Variants in KAT2B observed in about 807,000 individuals in gnomAD.
The protein encoded by KAT2B is lysine acetyltransferase 2B.
Under a neutral mutation model 105.9 loss-of-function variants are expected in KAT2B, and 36 were observed. That is an observed-to-expected ratio of 0.34 (90% CI 0.26 to 0.45). The LOEUF (loss-of-function observed/expected upper bound fraction) is 0.45, where lower values mean the gene tolerates loss of function less well. KAT2B is among the 20% of genes least tolerant of loss of function. KAT2B has a pLI of 1.00. For missense variants in KAT2B, 820 were observed against 1,021.6 expected (o/e 0.80, Z 2.69); for synonymous variants, 397 against 377.9 (o/e 1.05, Z -0.59).
chr3:20,057,496 T>C (rs927466485), intron 1 of KAT2B, among the ~76,000 whole-genome samples: 7 of 152,190 alleles, frequency 4.6e-5, no homozygotes, highest in African/African-American at 1.4e-4. Flanking sequence ...AAAATTCTAT[T>C]AGTCAGCTGG....
intron 5 of KAT2B, among the ~76,000 whole-genome samples, chr3:20,104,309 C>A (rs1698960853): frequency 6.6e-6 from 1 of 151,992 alleles, no homozygotes; most frequent in Non-Finnish European, 1.5e-5. Flanking sequence ...AAATGTAGAC[C>A]AATAGCCCCT....
intron 7 of KAT2B, among the ~76,000 whole-genome samples, chr3:20,118,814 A>G (rs1699256703): frequency 6.7e-6 from 1 of 148,194 alleles, no homozygotes; most frequent in Non-Finnish European, 1.5e-5. Context: ...AATATATATT[A>G]TATATATTTT....
chr3:20,050,345 G>A (rs997858033), intron 1 of KAT2B, among the ~76,000 whole-genome samples: 21 of 151,522 alleles, frequency 1.4e-4, no homozygotes, highest in East Asian at 1.9e-4. Flanking sequence ...TGTTTATAGC[G>A]CAATTAATTT....
chr3:20,122,651 T>C lies in KAT2B; in HGVS notation c.1277-17T>C. ...TTAGAACCACCCATTGTTTGCCTTT[T>C]ATTTTGATCATCATAGGAGAAAAGA... On this transcript the variant is annotated splice_polypyrimidine_tract_variant and intron_variant, in intron 8 of 17. Transcript: ENST00000263754. 6.2e-7 allele frequency: 1 copy of C among 1,607,710 alleles called. No homozygotes were observed.
chr3:20,122,988 T>C (rs1043226173), intron 9 of KAT2B, 184 bp downstream of exon 9: 20 of 974,750 alleles, frequency 2.1e-5, no homozygotes, highest in African/African-American at 3.5e-5. Context: ...TTCCCCTTGA[T>C]GAATATCACA....
chr3:20,136,492 G>T (rs549157125), intron 11 of KAT2B, among the ~76,000 whole-genome samples: 1 of 151,810 alleles, frequency 6.6e-6, no homozygotes, highest in African/African-American at 2.4e-5. Context: ...GTAAACACTT[G>T]GATTACTAAA....
chr3:20,052,400 C>G lies in KAT2B; in HGVS notation c.303+11620C>G, dbSNP rs139147285. Among the ~76,000 whole-genome samples the G allele has an allele frequency of 1.5e-4, 23 of 152,292 alleles. No individual in the cohort carries two copies. In the East Asian group the frequency reaches 4.0e-3, roughly 27 times the overall value. On this transcript the variant is annotated intron_variant, in intron 1 of 17. Transcript: ENST00000263754. Reference sequence around the variant, plus strand: ...CCATAGGAGAAACAGACAAGTTGTACTGGGGATTAAATTCCATTAAATTTT... The same window carrying G: ...CCATAGGAGAAACAGACAAGTTGTAGTGGGGATTAAATTCCATTAAATTTT...
chr3:20,148,513 A>G (rs544247799), intron 17 of KAT2B, 26 bp downstream of exon 17: 2 of 1,499,796 alleles, frequency 1.3e-6, no homozygotes, highest in African/African-American at 1.4e-5. Context: ...TTTTCTAAGT[A>G]TAGATTTAAA....
chr3:20,135,900 C>T (rs988271393), intron 11 of KAT2B, among the ~76,000 whole-genome samples: 1 of 152,146 alleles, frequency 6.6e-6, no homozygotes, highest in South Asian at 2.1e-4. Flanking sequence ...CTTGGGTGAA[C>T]GTTAGGAAGG....
In KAT2B at chr3:20,077,922, C is replaced by T. The variant is rs551947830; in HGVS notation, c.430+5463C>T. ...TTGCATGGTGGCTCACACCTGTAAT[C>T]CTAGCATTTTGGGAGGCTGAGGCAG... is the stretch of plus-strand genomic sequence containing the variant. On this transcript the variant is annotated intron_variant, in intron 2 of 17. Coordinates refer to ENST00000263754, the MANE Select transcript of KAT2B (RefSeq NM_003884.5). Among the ~76,000 whole-genome samples the T allele has an allele frequency of 1.5e-4, 23 of 152,266 alleles. 1 individual carries two copies. In the South Asian group the frequency reaches 4.8e-3, roughly 32 times the overall value.
chr3:20,123,169 T>C (rs1699340927), intron 9 of KAT2B, among the ~76,000 whole-genome samples: 1 of 152,180 alleles, frequency 6.6e-6, no homozygotes, highest in African/African-American at 2.4e-5. Flanking sequence ...CCTCTCTTTC[T>C]CTCTGCGCCT....
At position 20,148,261 on chromosome 3, in the gene KAT2B, T is replaced by C. The variant is rs202116411; in HGVS notation, c.2175T>C (p.Pro725=). The C allele has an allele frequency of 2.2e-5, 36 of 1,614,058 alleles. No individual in the cohort carries two copies. The Admixed American group carries it at 4.7e-4, about 21-fold the overall frequency. ...GKEKSKEPRD[P]DQLYSTLKSI... is the part of the protein sequence containing the mutation. ...TTTCAAGTAAAGAGCCCAGAGACCC[T>C]GACCAGCTTTACAGCACGCTCAAGA... is the stretch of plus-strand genomic sequence containing the variant. Residue 725 remains proline (P), a synonymous_variant, in exon 16 of 18, where the codon CCT becomes CCC. Coordinates refer to ENST00000263754, the MANE Select transcript of KAT2B (RefSeq NM_003884.5).
intron 12 of KAT2B, among the ~76,000 whole-genome samples, chr3:20,139,458 G>A (rs964500219): frequency 1.3e-5 from 2 of 152,114 alleles, no homozygotes; most frequent in Admixed American, 6.6e-5. Flanking sequence ...TGACTTGTCT[G>A]TAGTCCTCTT....
intron 12 of KAT2B, chr3:20,137,532 C>T: frequency 6.8e-6 from 1 of 146,166 alleles, no homozygotes; most frequent in Non-Finnish European, 1.5e-5. Flanking sequence ...TTTCTCCGTT[C>T]CTCCCTTCCT....
chr3:20,140,435 G>T, intron 13 of KAT2B, 71 bp downstream of exon 13: 1 of 1,507,730 alleles, frequency 6.6e-7, no homozygotes, highest in South Asian at 1.2e-5. Flanking sequence ...CATTTCCTTG[G>T]GTGCTGCGTG....
At chr3:20,049,979 C>T (rs948739663) in intron 1 of KAT2B, among the ~76,000 whole-genome samples, 5 of 152,118 alleles carry the variant, frequency 3.3e-5, no homozygotes, top group Non-Finnish European at 5.9e-5. Flanking sequence ...GCAGGCGGAT[C>T]GCTTGAGCTC....
At chr3:20,142,212 A>G (rs1244892468) in intron 13 of KAT2B, among the ~76,000 whole-genome samples, 1 of 152,162 alleles carries the variant, frequency 6.6e-6, no homozygotes, top group Non-Finnish European at 1.5e-5. Flanking sequence ...CTAACAAAGC[A>G]GTCAACTTTT....
intron 12 of KAT2B, among the ~76,000 whole-genome samples, chr3:20,139,489 A>C (rs1202837687): frequency 6.6e-6 from 1 of 152,140 alleles, no homozygotes; most frequent in Non-Finnish European, 1.5e-5. Context: ...GGCAATAATT[A>C]CTTGGAAAAT....
intron 11 of KAT2B, among the ~76,000 whole-genome samples, chr3:20,129,482 C>G (rs545842233): frequency 6.7e-6 from 1 of 149,644 alleles, no homozygotes; most frequent in African/African-American, 2.5e-5. Context: ...TCAAGTGATT[C>G]TCCCACCTCA....
Sources: allele counts gnomAD v4.1 joint callset (sites outside exome capture counted in the v4.1 genomes callset), GRCh38; gene constraint gnomAD v4.1.1; transcripts MANE v1.5; gene names NCBI Gene and HGNC (gene_info 2026-07-23, HGNC 2026-07-21).